BCL2L14: variants seen among roughly 807,000 people sequenced by gnomAD.
BCL2L14 encodes the protein BCL2 like 14, also known as apoptosis facilitator Bcl-2-like protein 14.
A neutral mutation model predicts 35.3 loss-of-function variants in BCL2L14; 27 were observed. That is an observed-to-expected ratio of 0.76 (90% CI 0.56 to 1.05). The LOEUF is 1.05. Among genes scored for constraint, BCL2L14 ranks in the 50% least tolerant of loss-of-function variants. The probability of loss-of-function intolerance (pLI) is 0.00; values close to 1 mark genes in which losing one functional copy is unlikely to be tolerated. For missense variants in BCL2L14, 377 were observed against 382.6 expected (o/e 0.99, Z 0.12); for synonymous variants, 139 against 145.9 (o/e 0.95, Z 0.34).
chr12:12,069,539 A>AAT (rs1412333223), upstream of BCL2L14, among the ~76,000 whole-genome samples: 1 of 144,302 alleles, frequency 6.9e-6, no homozygotes, highest in Non-Finnish European at 1.6e-5. Context: ...CTCTACTAAA[A>AAT]ATACAAAAAA....
chr12:12,090,147 C>T (rs1325198615), intron 3 of BCL2L14, among the ~76,000 whole-genome samples: 1 of 152,144 alleles, frequency 6.6e-6, no homozygotes, highest in Non-Finnish European at 1.5e-5. Flanking sequence ...TAGACAGAAT[C>T]CTGTGCTGTG....
Position 12,058,231 on chromosome 12 carries a change from C to T in BCL2L14, c.-272+6384C>T, listed in dbSNP as rs1423767035. On this transcript the variant is annotated intron_variant, in intron 2 of 3. Transcript: ENST00000461264. ...CCTCCCAAAGTGCTGGGATTACAGG[C>T]GTGAGTCATTGTGCCCAGACTCTTT... Among the ~76,000 whole-genome samples, 6 of 149,270 alleles carry T rather than the reference C, an allele frequency of 4.0e-5. No individual in the cohort carries two copies. The East Asian group carries it at 1.0e-3, about 25-fold the overall frequency.
chr12:12,050,292 G>T (rs1015040683), intron 1 of BCL2L14, among the ~76,000 whole-genome samples: 14 of 151,928 alleles, frequency 9.2e-5, no homozygotes, highest in African/African-American at 2.9e-4. Flanking sequence ...AATTAGCTGG[G>T]CGTGGTGGCG....
intron 4 of BCL2L14, 131 bp downstream of exon 4, chr12:12,090,980 T>C: frequency 7.5e-6 from 4 of 533,734 alleles, no homozygotes; most frequent in East Asian, 3.6e-5. Flanking sequence ...CTAAATTTTA[T>C]TTCCCTTGGA....
At chr12:12,094,388 C>A (rs762964230) in intron 4 of BCL2L14, 30 of 854,632 alleles carry the variant, frequency 3.5e-5, no homozygotes, top group Non-Finnish European at 5.0e-5. Flanking sequence ...TACTACCTGC[C>A]CATTATAAGT....
intron 4 of BCL2L14, among the ~76,000 whole-genome samples, chr12:12,093,147 C>T (rs1949230410): frequency 6.6e-6 from 1 of 152,134 alleles, no homozygotes; most frequent in Non-Finnish European, 1.5e-5. Context: ...ATACCAGGTT[C>T]AAGGGAAGGC....
chr12:12,061,103 G>C (rs1367578139), intron 2 of BCL2L14, among the ~76,000 whole-genome samples: 11 of 116,348 alleles, frequency 9.5e-5, no homozygotes, highest in African/African-American at 3.8e-4. Context: ...ACTCTTTTAA[G>C]CACTCCTTTT....
In BCL2L14 at chr12:12,079,198, G is replaced by A. The variant is rs566990379; in HGVS notation, c.-7-101G>A. On this transcript the variant is annotated intron_variant, in intron 1 of 5. Coordinates refer to ENST00000308721, the MANE Select transcript of BCL2L14 (RefSeq NM_138723.2). ...ACCCTCCAGCACAAACACAATAGAT[G>A]TTCAATAAATGTTTCCTGAGTTTTC... The A allele has an allele frequency of 3.5e-5, 35 of 990,348 alleles. No homozygotes were observed. The African/African-American group carries it at 4.5e-4, about 13-fold the overall frequency. 61.3% of individuals were successfully genotyped at this position (990,348 alleles called of 1,614,324 possible).
intron 2 of BCL2L14, among the ~76,000 whole-genome samples, chr12:12,085,131 G>A (rs1178788433): frequency 6.6e-6 from 1 of 150,586 alleles, no homozygotes; most frequent in Non-Finnish European, 1.5e-5. Flanking sequence ...CAGTTAGCCA[G>A]ATTGAGTAAT....
chr12:12,060,030 G>A (rs1356130226), intron 2 of BCL2L14, among the ~76,000 whole-genome samples: 3 of 151,254 alleles, frequency 2.0e-5, no homozygotes, highest in South Asian at 2.1e-4. Flanking sequence ...CCCAAGCGTC[G>A]CCGAGTCTTT....
At chr12:12,070,363 G>T (rs1428844177), upstream of BCL2L14, among the ~76,000 whole-genome samples, 1 of 152,174 alleles carries the variant, frequency 6.6e-6, no homozygotes, top group African/African-American at 2.4e-5. Flanking sequence ...AATGGGAATC[G>T]TAACGCCTGC....
chr12:12,050,390 G>T (rs1366546208), intron 1 of BCL2L14, among the ~76,000 whole-genome samples: 1 of 139,488 alleles, frequency 7.2e-6, no homozygotes, highest in East Asian at 2.0e-4. Flanking sequence ...CCTAGATTGC[G>T]CCACTGCACT....
chr12:12,079,986 T>C (rs560539493), intron 2 of BCL2L14, among the ~76,000 whole-genome samples: 37 of 152,152 alleles, frequency 2.4e-4, no homozygotes, highest in South Asian at 1.2e-3. Context: ...GGGTGGATCA[T>C]GAGGTCAGGA....
At chr12:12,088,794 G>A (rs17758010) in intron 3 of BCL2L14, among the ~76,000 whole-genome samples, 3,347 of 152,116 alleles carry the variant, frequency 0.022, 71 homozygotes, top group Non-Finnish European at 0.035. Context: ...GATGCAGAGC[G>A]GTAGCCACAC....
rs758755829 is a variant in BCL2L14 at position 12,098,971 on chromosome 12, C to T, written c.967C>T (p.His323Tyr). Residue 323 changes from histidine (H) to tyrosine (Y), a missense_variant, in exon 6 of 6, where the codon CAT becomes TAT. By Grantham distance (83) the His-to-Tyr change is moderately conservative. Transcript: ENST00000308721. ...CTAGGAAAAAATACTTGGGATATCA[C>T]ATGAAGAAGTAGACTGAAATATCAG... ...GGWEKILGIS[H>Y]EEVD 6.8e-5 allele frequency: 108 copies of T among 1,599,910 alleles called. No individual in the cohort carries two copies. The highest frequency in any genetic ancestry group is 8.8e-5 in the Non-Finnish European group (103 of 1,167,158).
chr12:12,074,901 C>A (rs1394875043), intron 1 of BCL2L14, among the ~76,000 whole-genome samples: 1 of 152,104 alleles, frequency 6.6e-6, no homozygotes, highest in Non-Finnish European at 1.5e-5. Context: ...CCTTGGCCTC[C>A]TAAGGTGGTG....
At chr12:12,078,562 T>A (rs1948833795) in intron 1 of BCL2L14, among the ~76,000 whole-genome samples, 1 of 152,260 alleles carries the variant, frequency 6.6e-6, no homozygotes, top group African/African-American at 2.4e-5. Flanking sequence ...GCAAACTGCA[T>A]ACGTATGCTG....
At chr12:12,068,039 G>T (rs940738617), upstream of BCL2L14, 1 of 392,292 alleles carries the variant, frequency 2.5e-6, no homozygotes, top group Non-Finnish European at 4.5e-6. Context: ...CCCCTGCCAG[G>T]CTCAAGCAAT....
intron 3 of BCL2L14, among the ~76,000 whole-genome samples, chr12:12,088,868 G>C (rs945747842): frequency 1.3e-4 from 19 of 149,636 alleles, no homozygotes; most frequent in Admixed American, 4.0e-4. Flanking sequence ...GAGAGGAGGA[G>C]GCCTCTGAGT....
Sources: gnomAD v4.1 joint callset for allele counts (sites outside exome capture counted in the v4.1 genomes callset) on GRCh38, gnomAD v4.1.1 for gene constraint, MANE v1.5 for transcripts, NCBI Gene and HGNC (gene_info 2026-07-23, HGNC 2026-07-21) for gene names.